Variants in GRIP1 observed in about 807,000 individuals in gnomAD.
The protein encoded by GRIP1 is glutamate receptor-interacting protein 1.
A neutral mutation model predicts 129.9 loss-of-function variants in GRIP1; 45 were observed. That is an observed-to-expected ratio of 0.35 (90% CI 0.27 to 0.44). The LOEUF is 0.44. Ranked by LOEUF, GRIP1 falls within the 20% of genes least tolerant of loss-of-function variation. GRIP1 has a pLI of 1.00. For missense variants in GRIP1, 1,196 were observed against 1,396.8 expected (o/e 0.86, Z 2.29); for synonymous variants, 530 against 520.8 (o/e 1.02, Z -0.24).
intron 1 of GRIP1, among the ~76,000 whole-genome samples, chr12:66,785,335 C>CATATATATATAT (rs1448856691): frequency 3.4e-3 from 94 of 27,724 alleles, no homozygotes; most frequent in African/African-American, 4.7e-3. Context: ...TACATACATA[C>CATATATATATAT]ATACATACAT....
chr12:66,558,053 T>A (rs2062394909), intron 2 of GRIP1, among the ~76,000 whole-genome samples: 1 of 152,088 alleles, frequency 6.6e-6, no homozygotes, highest in South Asian at 2.1e-4. Flanking sequence ...ATAAACAAAA[T>A]TGATAAACCT....
intron 1 of GRIP1, among the ~76,000 whole-genome samples, chr12:66,926,164 A>ATGTACTTCAGC (rs57507385): frequency 0.32 from 48,055 of 151,908 alleles, 7,672 homozygotes; most frequent in East Asian, 0.45. Context: ...TTACCCCACA[A>ATGTACTTCAGC]AGTCACTGAG....
At chr12:66,848,627 T>C (rs1036684760) in intron 1 of GRIP1, among the ~76,000 whole-genome samples, 2 of 152,194 alleles carry the variant, frequency 1.3e-5, no homozygotes, top group African/African-American at 4.8e-5. Flanking sequence ...TAGACATTTC[T>C]ATTCATTTAG....
intron 1 of GRIP1, among the ~76,000 whole-genome samples, chr12:66,949,912 G>A (rs970976005): frequency 6.6e-6 from 1 of 151,826 alleles, no homozygotes; most frequent in African/African-American, 2.4e-5. Context: ...GGGACTACAG[G>A]TGCCCGCCAC....
At chr12:66,730,258 T>G (rs757286131) in intron 1 of GRIP1, among the ~76,000 whole-genome samples, 1 of 152,200 alleles carries the variant, frequency 6.6e-6, no homozygotes, top group African/African-American at 2.4e-5. Context: ...CCTAGCGTCA[T>G]AAACAGCTCC....
Position 66,587,478 on chromosome 12 carries a change from T to C in GRIP1, c.136+9369A>G, listed in dbSNP as rs567328093. ...TGACCTTAGGCCAGGCATTCAATGTTTGCTGAATGCCTGTTTCAACTGCTA... is the reference window on the plus strand; with the variant it reads ...TGACCTTAGGCCAGGCATTCAATGTCTGCTGAATGCCTGTTTCAACTGCTA... On this transcript the variant is annotated intron_variant, in intron 2 of 24. Transcript: ENST00000359742. Among the ~76,000 whole-genome samples, 16 of 152,358 alleles carry C rather than the reference T, an allele frequency of 1.1e-4. No homozygotes were observed. The South Asian group carries it at 2.9e-3, about 28-fold the overall frequency.
intron 1 of GRIP1, among the ~76,000 whole-genome samples, chr12:66,678,270 T>A (rs1281246692): frequency 6.6e-6 from 1 of 152,154 alleles, no homozygotes; most frequent in South Asian, 2.1e-4. Flanking sequence ...CGAGCAATGA[T>A]TTTTACTTTC....
At chr12:66,918,129 C>T (rs576295237) in intron 1 of GRIP1, among the ~76,000 whole-genome samples, 1 of 151,486 alleles carries the variant, frequency 6.6e-6, no homozygotes, top group East Asian at 1.9e-4. Flanking sequence ...CTTAGAGGAG[C>T]CAATGATTCA....
At chr12:67,018,348 C>T (rs995821205) in intron 1 of GRIP1, among the ~76,000 whole-genome samples, 1 of 152,188 alleles carries the variant, frequency 6.6e-6, no homozygotes, top group African/African-American at 2.4e-5. Flanking sequence ...GTGTCTGCGA[C>T]TCCCATTGGT....
intron 1 of GRIP1, among the ~76,000 whole-genome samples, chr12:66,945,199 T>C (rs1486764953): frequency 1.3e-5 from 2 of 152,204 alleles, no homozygotes; most frequent in Admixed American, 6.5e-5. Context: ...CAGGAGTCCA[T>C]GTGCAGGTTT....
chr12:66,803,121 G>A (rs2038905418), intron 1 of GRIP1, among the ~76,000 whole-genome samples: 1 of 152,194 alleles, frequency 6.6e-6, no homozygotes, highest in Non-Finnish European at 1.5e-5. Context: ...ATTAGTTAAT[G>A]CTCAGAGTTT....
chr12:66,877,355 T>C (rs1164491830), intron 1 of GRIP1, among the ~76,000 whole-genome samples: 1 of 152,114 alleles, frequency 6.6e-6, no homozygotes, highest in African/African-American at 2.4e-5. Flanking sequence ...AATCCATGTA[T>C]GTTGATATTG....
intron 1 of GRIP1, among the ~76,000 whole-genome samples, chr12:66,991,744 C>T (rs1278488872): frequency 6.6e-6 from 1 of 152,064 alleles, no homozygotes; most frequent in Non-Finnish European, 1.5e-5. Flanking sequence ...AAAATTTAGT[C>T]CACCCAAAAA....
intron 7 of GRIP1, among the ~76,000 whole-genome samples, chr12:66,493,948 C>T (rs2060171312): frequency 6.6e-6 from 1 of 152,084 alleles, no homozygotes; most frequent in Non-Finnish European, 1.5e-5. Context: ...ATCTGGGCTG[C>T]AGGTGTAGTG....
chr12:67,044,216 CA>C (rs2043220809), intron 1 of GRIP1, among the ~76,000 whole-genome samples: 1 of 152,194 alleles, frequency 6.6e-6, no homozygotes, highest in African/African-American at 2.4e-5. Flanking sequence ...TTTCTTCCAC[CA>C]GTTAAATATC....
intron 1 of GRIP1, among the ~76,000 whole-genome samples, chr12:66,624,488 C>T (rs767226183): frequency 9.9e-5 from 15 of 152,088 alleles, no homozygotes; most frequent in Non-Finnish European, 1.6e-4. Flanking sequence ...TACAAAATGT[C>T]TCTTGCCTCT....
intron 5 of GRIP1, among the ~76,000 whole-genome samples, chr12:66,522,367 T>C (rs1163837184): frequency 6.6e-6 from 1 of 152,210 alleles, no homozygotes; most frequent in Admixed American, 6.5e-5. Flanking sequence ...CTACAGCCAC[T>C]GCTGTTCTAC....
At chr12:66,502,171 T>A (rs1428095500) in intron 7 of GRIP1, among the ~76,000 whole-genome samples, 1 of 152,198 alleles carries the variant, frequency 6.6e-6, no homozygotes, top group Non-Finnish European at 1.5e-5. Context: ...GAAGGACCTC[T>A]GAGATGATAT....
At chr12:66,917,197 C>G (rs548912248) in intron 1 of GRIP1, among the ~76,000 whole-genome samples, 1 of 152,074 alleles carries the variant, frequency 6.6e-6, no homozygotes, top group Non-Finnish European at 1.5e-5. Flanking sequence ...TGTTTTTAAC[C>G]TTTCTATACT....
Sources: allele counts gnomAD v4.1 joint callset (sites outside exome capture counted in the v4.1 genomes callset), GRCh38; gene constraint gnomAD v4.1.1; transcripts MANE v1.5; gene names NCBI Gene and HGNC (gene_info 2026-07-23, HGNC 2026-07-21).